HS3ST4: variants seen among roughly 807,000 people sequenced by gnomAD.
HS3ST4 encodes heparan sulfate-glucosamine 3-sulfotransferase 4, also known as heparan sulfate glucosamine 3-O-sulfotransferase 4.
Under a neutral mutation model 29.2 loss-of-function variants are expected in HS3ST4, and 17 were observed. That is an observed-to-expected ratio of 0.58 (90% CI 0.40 to 0.87). The LOEUF (loss-of-function observed/expected upper bound fraction) is 0.87, where lower values mean the gene tolerates loss of function less well. Ranked by LOEUF, HS3ST4 falls within the 40% of genes least tolerant of loss-of-function variation. The probability of loss-of-function intolerance (pLI) is 0.00; values close to 1 mark genes in which losing one functional copy is unlikely to be tolerated. For missense variants in HS3ST4, 627 were observed against 634.5 expected, an observed-to-expected ratio of 0.99 and a Z score of 0.13; for synonymous variants, 314 against 285.7, an observed-to-expected ratio of 1.10 and a Z score of -1.00.
intron 1 of HS3ST4, among the ~76,000 whole-genome samples, chr16:25,873,272 GTCCATTCATCCA>G (rs774746342): frequency 0.021 from 2,854 of 139,036 alleles, 70 homozygotes; most frequent in African/African-American, 0.057. Context: ...CCATCCATTT[GTCCATTCATCCA>G]TCCATCCATC....
intron 1 of HS3ST4, among the ~76,000 whole-genome samples, chr16:26,043,043 ATTC>A (rs1969649279): frequency 6.6e-6 from 1 of 152,184 alleles, no homozygotes; most frequent in Non-Finnish European, 1.5e-5. Context: ...AAAAGTTGCT[ATTC>A]TTCTTCTAAA....
intron 1 of HS3ST4, among the ~76,000 whole-genome samples, chr16:26,119,235 C>G (rs1240026958): frequency 6.6e-6 from 1 of 152,180 alleles, no homozygotes; most frequent in Admixed American, 6.5e-5. Context: ...CTGTTGAAAA[C>G]TCACTCTTGC....
intron 1 of HS3ST4, among the ~76,000 whole-genome samples, chr16:25,887,786 C>T (rs145501395): frequency 0.041 from 6,153 of 150,550 alleles, 144 homozygotes; most frequent in Non-Finnish European, 0.051. Context: ...CCAGCTCCAC[C>T]TCCCAGGTTC....
chr16:26,019,798 A>G (rs1310899345), intron 1 of HS3ST4, among the ~76,000 whole-genome samples: 1 of 151,994 alleles, frequency 6.6e-6, no homozygotes, highest in Admixed American at 6.6e-5. Context: ...TGAGATGTGA[A>G]CTCTATCCCT....
At chr16:25,863,938 G>A (rs1024036156) in intron 1 of HS3ST4, among the ~76,000 whole-genome samples, 1 of 152,226 alleles carries the variant, frequency 6.6e-6, no homozygotes, top group African/African-American at 2.4e-5. Flanking sequence ...CCAAGATCAA[G>A]GTGTCGGCAG....
intron 1 of HS3ST4, among the ~76,000 whole-genome samples, chr16:25,754,990 C>T (rs1966747712): frequency 6.6e-6 from 1 of 151,884 alleles, no homozygotes; most frequent in Non-Finnish European, 1.5e-5. Flanking sequence ...CCCAGTCATC[C>T]ATCCATCTAC....
At chr16:25,701,730 A>G (rs941114823) in intron 1 of HS3ST4, among the ~76,000 whole-genome samples, 3 of 152,254 alleles carry the variant, frequency 2.0e-5, no homozygotes, top group African/African-American at 7.2e-5. Context: ...TGCTTGGCTG[A>G]AACATGAACC....
At chr16:26,001,277 G>C (rs1339495203) in intron 1 of HS3ST4, among the ~76,000 whole-genome samples, 1 of 152,016 alleles carries the variant, frequency 6.6e-6, no homozygotes. Flanking sequence ...CGGGGTAAAA[G>C]GTCATGATAT....
chr16:26,031,501 C>T (rs1969530513), intron 1 of HS3ST4, among the ~76,000 whole-genome samples: 1 of 152,094 alleles, frequency 6.6e-6, no homozygotes, highest in Non-Finnish European at 1.5e-5. Context: ...CACTGAAACA[C>T]ACTCCACTCC....
At chr16:26,115,176 A>C (rs1053657375) in intron 1 of HS3ST4, among the ~76,000 whole-genome samples, 3 of 146,904 alleles carry the variant, frequency 2.0e-5, no homozygotes, top group East Asian at 4.1e-4. Context: ...ACACTCACCC[A>C]AAACACTATT....
intron 1 of HS3ST4, among the ~76,000 whole-genome samples, chr16:25,736,159 A>T (rs189741507): frequency 6.6e-6 from 1 of 152,340 alleles, no homozygotes; most frequent in East Asian, 1.9e-4. Context: ...TTGTCTGAGC[A>T]GAGGTCAAAG....
intron 1 of HS3ST4, among the ~76,000 whole-genome samples, chr16:25,722,336 A>G (rs781253268): frequency 2.6e-5 from 4 of 152,206 alleles, no homozygotes; most frequent in Non-Finnish European, 5.9e-5. Flanking sequence ...GAGAAGGGTT[A>G]TTTGGTCTAC....
chr16:25,810,330 A>G (rs868177630), intron 1 of HS3ST4, among the ~76,000 whole-genome samples: 8 of 152,102 alleles, frequency 5.3e-5, no homozygotes, highest in Middle Eastern at 3.2e-3. Context: ...GATAGTTTGT[A>G]TGAGTTCCAT....
intron 1 of HS3ST4, among the ~76,000 whole-genome samples, chr16:26,127,863 T>C (rs1283520920): frequency 3.9e-5 from 6 of 152,258 alleles, no homozygotes; most frequent in Non-Finnish European, 1.5e-5. Flanking sequence ...AAACAACAAA[T>C]ATTGCTTGAG....
At chr16:25,711,308 T>G (rs948244479) in intron 1 of HS3ST4, among the ~76,000 whole-genome samples, 3 of 151,772 alleles carry the variant, frequency 2.0e-5, no homozygotes, top group African/African-American at 7.3e-5. Context: ...TAGCTACCCC[T>G]TCCCAATGTG....
chr16:25,731,169 C>T (rs1567228876), intron 1 of HS3ST4, among the ~76,000 whole-genome samples: 2 of 152,170 alleles, frequency 1.3e-5, no homozygotes, highest in Non-Finnish European at 1.5e-5. Flanking sequence ...ATGGGGCACC[C>T]ACATGACTGA....
At chr16:25,765,252 G>C (rs917250007) in intron 1 of HS3ST4, among the ~76,000 whole-genome samples, 2 of 152,170 alleles carry the variant, frequency 1.3e-5, no homozygotes, top group African/African-American at 2.4e-5. Context: ...ATGAAATTCT[G>C]TTCCACTGAA....
intron 1 of HS3ST4, among the ~76,000 whole-genome samples, chr16:25,853,819 T>G (rs1451667625): frequency 1.3e-5 from 2 of 152,232 alleles, no homozygotes; most frequent in Non-Finnish European, 2.9e-5. Flanking sequence ...AATTTTCTTT[T>G]CTTGCAGTAT....
At chr16:26,123,938 CT>C (rs35745665) in intron 1 of HS3ST4, among the ~76,000 whole-genome samples, 16,918 of 145,862 alleles carry the variant, frequency 0.12, 1,079 homozygotes, top group African/African-American at 0.17. Context: ...TGTTTTGAGA[CT>C]TTTTTTTTTT....
Sources: gnomAD v4.1 joint callset for allele counts (sites outside exome capture counted in the v4.1 genomes callset) on GRCh38, gnomAD v4.1.1 for gene constraint, MANE v1.5 for transcripts, NCBI Gene and HGNC (gene_info 2026-07-23, HGNC 2026-07-21) for gene names.